TMEM214: variants seen among roughly 807,000 people sequenced by gnomAD.
TMEM214 encodes transmembrane protein 214.
A neutral mutation model predicts 89.8 loss-of-function variants in TMEM214; 71 were observed. The ratio of observed to expected loss-of-function variants is 0.79; its 90% CI spans 0.65 to 0.96. The LOEUF (loss-of-function observed/expected upper bound fraction) is 0.96, where lower values mean the gene tolerates loss of function less well. Among genes scored for constraint, TMEM214 ranks in the 40% least tolerant of loss-of-function variants. The pLI is 0.00. For synonymous variants in TMEM214, 332 were observed against 349.5 expected (o/e 0.95, Z 0.56); for missense variants, 754 against 843.4 (o/e 0.89, Z 1.31).
chr2:27,033,912 T>C (rs180800912), intron 1 of TMEM214, among the ~76,000 whole-genome samples, 155 bp from the exon 2 acceptor site: 2 of 152,260 alleles, frequency 1.3e-5, no homozygotes, highest in Admixed American at 1.3e-4. Flanking sequence ...GAGAACAGCC[T>C]GCCCTGCTCC....
chr2:27,033,463 A>C (rs1667417923), intron 1 of TMEM214, among the ~76,000 whole-genome samples: 1 of 152,162 alleles, frequency 6.6e-6, no homozygotes, highest in African/African-American at 2.4e-5. Flanking sequence ...CCAGCTGCCC[A>C]GGGCCCTAGC....
In TMEM214 at chr2:27,038,535, G is replaced by A; in HGVS notation, c.1293+3G>A. 2 of 1,614,022 alleles carry A rather than the reference G, an allele frequency of 1.2e-6. No individual in the cohort carries two copies. The highest frequency in any genetic ancestry group is 1.7e-6 in the Non-Finnish European group (2 of 1,179,994). On this transcript the variant is annotated splice_donor_region_variant and intron_variant, in intron 11 of 16. Coordinates refer to ENST00000238788, the MANE Select transcript of TMEM214 (RefSeq NM_017727.5). This position sits in a 1 kb window ranked among gnomAD's most constrained non-coding sequence, Gnocchi z 4.4. ...CCTGGGAGCAGATTCCCAAGAAGGTGAGGAGCTGGGAGGACGTGGCAGGTT... is the reference window on the plus strand; with the variant it reads ...CCTGGGAGCAGATTCCCAAGAAGGTAAGGAGCTGGGAGGACGTGGCAGGTT...
intron 14 of TMEM214, 56 bp downstream of exon 14, chr2:27,039,893 CA>C: frequency 7.2e-7 from 1 of 1,392,066 alleles, no homozygotes; most frequent in Non-Finnish European, 9.6e-7. Context: ...GCCTGGGTGT[CA>C]GGGAGGAGGC....
chr2:27,040,959 G>T lies in TMEM214; in HGVS notation c.*122G>T. 1 of 1,260,876 alleles carries T rather than the reference G, an allele frequency of 7.9e-7. No individual in the cohort carries two copies. The highest frequency in any genetic ancestry group is 2.2e-5 in the Admixed American group (1 of 46,496). The allele number at this position is 1,260,876 out of a possible 1,614,324, so 78.1% of individuals were successfully genotyped here. On this transcript the variant is annotated 3_prime_UTR_variant, in exon 17 of 17. Transcript: ENST00000238788. ...GGTGCCTGAGTTCTCTCCTAGGCAA[G>T]TGGCCAGTTGCCTCCACCTCAGTTC...
In TMEM214 at chr2:27,040,067, C is replaced by T; in HGVS notation, c.1660C>T (p.Leu554=). ...GETLPLWGSH[L]LTVVRPSLQL... ...GACACTGCCGCTCTGGGGCTCCCAC[C>T]TGCTCACCGTGGTGCGGCCCAGCTT... Residue 554 remains leucine, a synonymous_variant, in exon 15 of 17, where the codon CTG becomes TTG. Transcript: ENST00000238788. 6.2e-7 allele frequency: 1 copy of T among 1,608,418 alleles called. No homozygotes were observed. Among genetic ancestry groups the T allele is most frequent in the Non-Finnish European group, 8.5e-7 (1 of 1,179,962 alleles).
At chr2:27,035,085 C>T (rs1191336311) in intron 2 of TMEM214, 50 bp from the exon 3 acceptor site, 6 of 1,607,530 alleles carry the variant, frequency 3.7e-6, no homozygotes, top group Non-Finnish European at 4.3e-6. Context: ...TTCTTTACTC[C>T]CTCACTCACA....
chr2:27,036,428 G>C, intron 5 of TMEM214, 59 bp from the exon 6 acceptor site: 2 of 1,390,354 alleles, frequency 1.4e-6, no homozygotes, highest in Non-Finnish European at 2.0e-6. Flanking sequence ...TCCTGGCTTT[G>C]GGGGGTGCTC....
At chr2:27,040,530 C>G (rs1390662360) in intron 16 of TMEM214, 34 bp downstream of exon 16, 1 of 1,606,662 alleles carries the variant, frequency 6.2e-7, no homozygotes, top group Admixed American at 1.7e-5. Flanking sequence ...GGCAGGATCC[C>G]CAGCAGCCCC....
intron 14 of TMEM214, 72 bp from the exon 15 acceptor site, chr2:27,039,958 C>G: frequency 6.3e-7 from 1 of 1,593,064 alleles, no homozygotes; most frequent in South Asian, 1.1e-5. Context: ...TCCCTTTCCC[C>G]AGCTGTTTCT....
In TMEM214 at chr2:27,038,566, C is replaced by T. The variant is rs1205068072; in HGVS notation, c.1293+34C>T. The T allele has an allele frequency of 1.9e-6, 3 of 1,613,616 alleles. No individual in the cohort carries two copies. The highest frequency in any genetic ancestry group is 3.3e-4 in the Middle Eastern group (2 of 6,062). ...CTGGGAGGACGTGGCAGGTTGAGCCCTGTCTGGATTCTAGGTTCTGAGTGG... is the reference window on the plus strand; with the variant it reads ...CTGGGAGGACGTGGCAGGTTGAGCCTTGTCTGGATTCTAGGTTCTGAGTGG... On this transcript the variant is annotated intron_variant, in intron 11 of 16. Coordinates refer to ENST00000238788, the MANE Select transcript of TMEM214 (RefSeq NM_017727.5). The surrounding 1 kb of genome is among the most constrained non-coding windows in gnomAD (Gnocchi z 4.4).
At position 27,039,183 on chromosome 2, in the gene TMEM214, G is replaced by A; in HGVS notation, c.1525+19G>A. 1 of 1,607,516 alleles carries A rather than the reference G, an allele frequency of 6.2e-7. No individual in the cohort carries two copies. Among genetic ancestry groups the A allele is most frequent in the South Asian group, 1.1e-5 (1 of 90,748 alleles). Reference sequence around the variant, plus strand: ...TTCCAGGGTAAGCAGCAATGGGCAAGCGAGGAGGATGGTGTGGGCGGGGCA... The same window carrying A: ...TTCCAGGGTAAGCAGCAATGGGCAAACGAGGAGGATGGTGTGGGCGGGGCA... On this transcript the variant is annotated intron_variant, in intron 13 of 16. Transcript: ENST00000238788.
Position 27,034,150 on chromosome 2 carries a change from C to A in TMEM214, c.235C>A (p.Pro79Thr), listed in dbSNP as rs1394984627. 1 of 1,614,100 alleles carries A rather than the reference C, an allele frequency of 6.2e-7. No individual in the cohort carries two copies. Among genetic ancestry groups the A allele is most frequent in the Non-Finnish European group, 8.5e-7 (1 of 1,180,022 alleles). ...KRQNKEQVPP[P>T]AVEPKKPGNK... is the part of the protein sequence containing the mutation. ...GCAGAATAAGGAGCAGGTCCCACCCCCTGCTGTGGAACCTAAGAAACCAGG... is the reference window on the plus strand; with the variant it reads ...GCAGAATAAGGAGCAGGTCCCACCCACTGCTGTGGAACCTAAGAAACCAGG... The change falls in exon 2 of 17, where the codon CCT becomes ACT. Residue 79 changes from proline to threonine, a missense_variant. Transcript: ENST00000238788.
rs1667661315 is a variant in TMEM214 at position 27,038,242 on chromosome 2, G to A, written c.1244+5G>A. On this transcript the variant is annotated splice_donor_5th_base_variant and intron_variant, in intron 10 of 16. Coordinates refer to ENST00000238788, the MANE Select transcript of TMEM214 (RefSeq NM_017727.5). The surrounding 1 kb of genome is among the most constrained non-coding windows in gnomAD (Gnocchi z 4.4). ...TAAGCACCTGTCACAGTCCAGGCAG[G>A]TGGGGTGGGAGGCCAGCCTGTCCCT... 2 of 1,612,566 alleles carry A rather than the reference G, an allele frequency of 1.2e-6. No individual in the cohort carries two copies. The highest frequency in any genetic ancestry group is 1.7e-6 in the Non-Finnish European group (2 of 1,178,764).
chr2:27,041,077 C>T lies in TMEM214; in HGVS notation c.*240C>T, dbSNP rs1177141000. The T allele has an allele frequency of 4.0e-6, 2 of 502,720 alleles. No individual in the cohort carries two copies. Among genetic ancestry groups the T allele is most frequent in the African/African-American group, 1.9e-5 (1 of 52,338 alleles). 31.1% of individuals were successfully genotyped at this position (502,720 alleles called of 1,614,324 possible). The stretch of plus-strand genomic sequence containing the variant: ...TTTCTGGCCCTACTGCACATGGCCC[C>T]CAGCCTCCATCCTTGTGCTGGTAGC... On this transcript the variant is annotated 3_prime_UTR_variant, in exon 17 of 17. Coordinates refer to ENST00000238788, the MANE Select transcript of TMEM214 (RefSeq NM_017727.5).
In TMEM214 at chr2:27,034,446, G is replaced by A; in HGVS notation, c.351+180G>A. On this transcript the variant is annotated intron_variant, in intron 2 of 16. Transcript: ENST00000238788. ...GAACAGAATGCCTGCACTTAGAATA[G>A]AAAGGAAATGGAAAATTTATAGGGA... is the stretch of plus-strand genomic sequence containing the variant. The A allele has an allele frequency of 4.4e-6, 3 of 676,412 alleles. No individual in the cohort carries two copies. The South Asian group carries it at 6.1e-5, about 14-fold the overall frequency. 41.9% of individuals were successfully genotyped at this position (676,412 alleles called of 1,614,324 possible).
intron 8 of TMEM214, 101 bp downstream of exon 8, chr2:27,037,279 T>A: frequency 9.3e-7 from 1 of 1,071,888 alleles, no homozygotes; most frequent in Non-Finnish European, 1.4e-6. Context: ...AGATCTGAGA[T>A]TTGCAACCTG....
At chr2:27,035,887 T>C (rs1667539732) in intron 4 of TMEM214, 83 bp from the exon 5 acceptor site, 1 of 1,582,294 alleles carries the variant, frequency 6.3e-7, no homozygotes, top group Middle Eastern at 1.7e-4. Context: ...ACCTGGGGCC[T>C]GGGCTCACCG....
At position 27,038,842 on chromosome 2, in the gene TMEM214, C is replaced by T. The variant is rs1403342190; in HGVS notation, c.1407+27C>T. ...TGCTGGCACCCGGTCCTCTCCAGCC[C>T]ACACGCTATCTTACATCTCTGTCTC... On this transcript the variant is annotated intron_variant, in intron 12 of 16. Coordinates refer to ENST00000238788, the MANE Select transcript of TMEM214 (RefSeq NM_017727.5). This position sits in a 1 kb window ranked among gnomAD's most constrained non-coding sequence, Gnocchi z 4.4. The T allele has an allele frequency of 6.3e-7, 1 of 1,589,550 alleles. No homozygotes were observed. The highest frequency in any genetic ancestry group is 2.2e-5 in the East Asian group (1 of 44,716).
intron 5 of TMEM214, 144 bp downstream of exon 5, chr2:27,036,196 G>A: frequency 1.4e-6 from 1 of 732,650 alleles, no homozygotes; most frequent in Non-Finnish European, 2.3e-6. Flanking sequence ...CCTATCCTGT[G>A]TGTGTGCTCT....
Sources: allele counts gnomAD v4.1 joint callset (sites outside exome capture counted in the v4.1 genomes callset), GRCh38; gene constraint gnomAD v4.1.1; non-coding constraint Gnocchi (gnomAD v3.1); transcripts MANE v1.5; gene names NCBI Gene and HGNC (gene_info 2026-07-23, HGNC 2026-07-21).